The following PACSIN2 variants were observed in gnomAD, a reference collection of about 807,000 sequenced individuals.
PACSIN2 encodes protein kinase C and casein kinase substrate in neurons protein 2.
PACSIN2 carries 25 observed loss-of-function variants against 63.8 expected under a neutral mutation model. The observed-to-expected ratio is 0.39, with a 90% CI of 0.29 to 0.55. The LOEUF (loss-of-function observed/expected upper bound fraction) is 0.55. Ranked by LOEUF, PACSIN2 falls within the 20% of genes least tolerant of loss-of-function variation. PACSIN2 has a pLI of 0.62. For synonymous variants in PACSIN2, 255 were observed against 256.2 expected, an observed-to-expected ratio of 1.00 and a Z score of 0.05; for missense variants, 518 against 646.9, an observed-to-expected ratio of 0.80 and a Z score of 2.16.
chr22:42,883,891 C>A lies in PACSIN2; in HGVS notation c.785+495G>T, dbSNP rs1014706404. On this transcript the variant is annotated intron_variant, in intron 6 of 10. Coordinates refer to ENST00000263246, the MANE Select transcript of PACSIN2 (RefSeq NM_001184970.3). ...TGGTGGCGCATGCCTGTAATCCCAG[C>A]TACTCGGGAGGCTGAGGCAGGAGAA... is the stretch of plus-strand genomic sequence containing the variant. Among the ~76,000 whole-genome samples, 5 of 152,164 alleles carry A rather than the reference C, an allele frequency of 3.3e-5. No homozygotes were observed. In the South Asian group the frequency reaches 8.3e-4, roughly 25 times the overall value.
chr22:42,995,149 A>G lies in PACSIN2; in HGVS notation c.-78+19872T>C, dbSNP rs1366539468. Among the ~76,000 whole-genome samples, 3 of 152,314 alleles carry G rather than the reference A, an allele frequency of 2.0e-5. No individual in the cohort carries two copies. In the South Asian group the frequency reaches 6.2e-4, roughly 32 times the overall value. On this transcript the variant is annotated intron_variant, in intron 1 of 10. Coordinates refer to ENST00000263246, the MANE Select transcript of PACSIN2 (RefSeq NM_001184970.3). ...CTGGACACTGCAACGTTTAACTCAC[A>G]TTGAGCTGAAGCAGCCGAGTTCTTC...
At chr22:43,010,825 G>A (rs1924441929) in intron 1 of PACSIN2, among the ~76,000 whole-genome samples, 1 of 152,200 alleles carries the variant, frequency 6.6e-6, no homozygotes. Flanking sequence ...AGATGAACAT[G>A]CATTTATGGG....
chr22:42,874,632 G>A (rs549836459), intron 10 of PACSIN2, among the ~76,000 whole-genome samples: 1 of 152,194 alleles, frequency 6.6e-6, no homozygotes, highest in African/African-American at 2.4e-5. Flanking sequence ...TGGCAGTTGG[G>A]GACCCCTAGA....
At chr22:42,896,622 G>C (rs1930306981) in intron 2 of PACSIN2, among the ~76,000 whole-genome samples, 1 of 152,184 alleles carries the variant, frequency 6.6e-6, no homozygotes, top group South Asian at 2.1e-4. Context: ...GGGGACATAA[G>C]CTTCCATGAC....
intron 1 of PACSIN2, among the ~76,000 whole-genome samples, chr22:42,919,009 T>G (rs544723410): frequency 2.0e-5 from 3 of 152,196 alleles, no homozygotes; most frequent in African/African-American, 7.2e-5. Flanking sequence ...TTCTTCCAGG[T>G]TGAGCCGACT....
In PACSIN2 at chr22:42,884,309, G is replaced by A. The variant is rs1929306173; in HGVS notation, c.785+77C>T. On this transcript the variant is annotated intron_variant, in intron 6 of 10. Coordinates refer to ENST00000263246, the MANE Select transcript of PACSIN2 (RefSeq NM_001184970.3). Reference sequence around the variant, plus strand: ...TGAACGCGCCATCCCAAACCTGGGAGCAGCATCTGAGTTTGCTTCAAAAGC... The same window carrying A: ...TGAACGCGCCATCCCAAACCTGGGAACAGCATCTGAGTTTGCTTCAAAAGC... 3.7e-6 allele frequency: 5 copies of A among 1,363,696 alleles called. No individual in the cohort carries two copies. In the East Asian group the frequency reaches 9.3e-5, roughly 25 times the overall value. 84.5% of individuals were successfully genotyped at this position (1,363,696 alleles called of 1,614,324 possible).
At chr22:42,890,749 T>C (rs909249389) in intron 4 of PACSIN2, among the ~76,000 whole-genome samples, 198 bp downstream of exon 4, 5 of 152,140 alleles carry the variant, frequency 3.3e-5, no homozygotes, top group East Asian at 3.9e-4. Context: ...AGAATGCACA[T>C]AGAGCATTCA....
chr22:42,958,625 C>G (rs1185708809), intron 1 of PACSIN2, among the ~76,000 whole-genome samples: 9 of 152,110 alleles, frequency 5.9e-5, no homozygotes, highest in Non-Finnish European at 1.5e-5. Flanking sequence ...AACTGATGGG[C>G]CCGATTAAGG....
chr22:42,984,015 G>C (rs914780484), intron 1 of PACSIN2, among the ~76,000 whole-genome samples: 2 of 141,062 alleles, frequency 1.4e-5, no homozygotes, highest in African/African-American at 5.4e-5. Flanking sequence ...CTGTCACCAA[G>C]GCTGGAGTGC....
chr22:42,927,973 C>T (rs1455143595), intron 1 of PACSIN2, among the ~76,000 whole-genome samples: 1 of 152,150 alleles, frequency 6.6e-6, no homozygotes, highest in African/African-American at 2.4e-5. Flanking sequence ...TTTGGGTTTC[C>T]AGGTAGTCCT....
intron 1 of PACSIN2, among the ~76,000 whole-genome samples, chr22:42,984,096 G>A (rs142257943): frequency 1.6e-3 from 234 of 150,890 alleles, no homozygotes; most frequent in Non-Finnish European, 1.9e-3. Flanking sequence ...TCAGCCTCCT[G>A]AGCAGCTGGG....
intron 1 of PACSIN2, among the ~76,000 whole-genome samples, chr22:42,979,247 GGT>G (rs1426463491): frequency 5.3e-5 from 8 of 152,280 alleles, no homozygotes; most frequent in African/African-American, 1.7e-4. Flanking sequence ...TATTTGGCCA[GGT>G]GCGGTGGCTC....
In PACSIN2 at chr22:42,870,695, C is replaced by T. The variant is rs1644588171; in HGVS notation, c.*662G>A. The T allele has an allele frequency of 6.6e-6, 1 of 152,090 alleles. No individual in the cohort carries two copies. The highest frequency in any genetic ancestry group is 2.1e-4 in the South Asian group (1 of 4,832). 9.4% of individuals were successfully genotyped at this position (152,090 alleles called of 1,614,324 possible). Reference sequence around the variant, plus strand: ...CTATGTAAAGCTTCCATTCAGATGCCCAAAAGCACAAAGAGCATTCCCAAT... The same window carrying T: ...CTATGTAAAGCTTCCATTCAGATGCTCAAAAGCACAAAGAGCATTCCCAAT... On this transcript the variant is annotated 3_prime_UTR_variant, in exon 11 of 11. Transcript: ENST00000263246.
At chr22:42,916,233 GCTTCAAAGTGT>G (rs1931797846) in intron 1 of PACSIN2, among the ~76,000 whole-genome samples, 1 of 152,186 alleles carries the variant, frequency 6.6e-6, no homozygotes, top group Non-Finnish European at 1.5e-5. Context: ...GGCACCCTGG[GCTTCAAAGTGT>G]CCTTGCTACT....
intron 1 of PACSIN2, among the ~76,000 whole-genome samples, chr22:43,005,598 A>C (rs8137003): frequency 0.076 from 11,616 of 152,290 alleles, 588 homozygotes; most frequent in Non-Finnish European, 0.11. Context: ...CGAGTCACCA[A>C]GGAAAGGTCC....
At chr22:42,915,572 A>G (rs1931754743) in intron 1 of PACSIN2, among the ~76,000 whole-genome samples, 1 of 152,124 alleles carries the variant, frequency 6.6e-6, no homozygotes, top group African/African-American at 2.4e-5. Flanking sequence ...AACTATCCCC[A>G]TGTGCATTAC....
At chr22:42,946,010 C>T (rs1419161862) in intron 1 of PACSIN2, 8 of 152,638 alleles carry the variant, frequency 5.2e-5, no homozygotes, top group Non-Finnish European at 7.3e-5. Context: ...CTCTGGCCAC[C>T]GTTAATCACC....
At chr22:42,970,207 G>A (rs1314443616) in intron 1 of PACSIN2, among the ~76,000 whole-genome samples, 2 of 152,282 alleles carry the variant, frequency 1.3e-5, no homozygotes, top group African/African-American at 2.4e-5. Flanking sequence ...AAAGGAGAAC[G>A]ACTAAAGTAA....
intron 1 of PACSIN2, among the ~76,000 whole-genome samples, chr22:42,915,112 C>G (rs538966252): frequency 6.6e-6 from 1 of 152,326 alleles, no homozygotes; most frequent in African/African-American, 2.4e-5. Context: ...AAGCGTTCCT[C>G]CTGCCTTGGC....
Sources: gnomAD v4.1 joint callset for allele counts (sites outside exome capture counted in the v4.1 genomes callset) on GRCh38, gnomAD v4.1.1 for gene constraint, MANE v1.5 for transcripts, NCBI Gene and HGNC (gene_info 2026-07-23, HGNC 2026-07-21) for gene names.